The following PRKCA variants were observed in gnomAD, a reference collection of about 807,000 sequenced individuals.
PRKCA encodes the protein protein kinase C alpha type.
PRKCA carries 27 observed loss-of-function variants against 87.0 expected under a neutral mutation model. That is an observed-to-expected ratio of 0.31 (90% CI 0.23 to 0.43). PRKCA has a LOEUF of 0.43. Among genes scored for constraint, PRKCA ranks in the 20% least tolerant of loss-of-function variants. The pLI, the probability that PRKCA is intolerant of heterozygous loss-of-function variation, is 1.00. For synonymous variants in PRKCA, 329 were observed against 311.1 expected (o/e 1.06, Z -0.61); for missense variants, 518 against 852.3 (o/e 0.61, Z 4.88).
chr17:66,786,489 CT>C lies in PRKCA; in HGVS notation c.1606-376del, dbSNP rs1206775467. Among the ~76,000 whole-genome samples the C allele has an allele frequency of 3.3e-5, 5 of 152,346 alleles. No individual in the cohort carries two copies. In the South Asian group the frequency reaches 8.3e-4, roughly 25 times the overall value. On this transcript the variant is annotated intron_variant, in intron 14 of 16. Transcript: ENST00000413366. The stretch of plus-strand genomic sequence containing the variant: ...GGCATTTTCTACCGGCCACCCCCAC[CT>C]TCTGACCACAAAGCCATCTGTAACC...
rs777781754 is a variant in PRKCA, at chr17:66,688,419, G to A, written c.804G>A (p.Lys268=). 17 of 1,614,178 alleles carry A rather than the reference G, an allele frequency of 1.1e-5. No homozygotes were observed. The highest frequency in any genetic ancestry group is 5.0e-5 in the Admixed American group (3 of 60,024). The change falls in exon 7 of 17, where the codon AAG becomes AAA. Residue 268 remains lysine (K), a synonymous_variant. Coordinates refer to ENST00000413366, the MANE Select transcript of PRKCA (RefSeq NM_002737.3). ...CCTTTGGAGTTTCGGAGCTGATGAA[G>A]ATGCCGGCCAGTGGATGGTATGGAA... ...SLSFGVSELM[K]MPASGWYKLL...
intron 2 of PRKCA, among the ~76,000 whole-genome samples, chr17:66,424,798 G>A (rs1250264793): frequency 6.7e-6 from 1 of 150,242 alleles, no homozygotes; most frequent in Non-Finnish European, 1.5e-5. Context: ...CACCCAGGCT[G>A]GAATGCAGTG....
At chr17:66,642,976 G>T (rs533425238) in intron 4 of PRKCA, among the ~76,000 whole-genome samples, 1 of 152,210 alleles carries the variant, frequency 6.6e-6, no homozygotes, top group African/African-American at 2.4e-5. Context: ...GGAGGCGGCG[G>T]TTGCTGTGAG....
chr17:66,345,357 G>A lies in PRKCA; in HGVS notation c.205+39230G>A, dbSNP rs566206176. Among the ~76,000 whole-genome samples, 87 of 152,296 alleles carry A rather than the reference G, an allele frequency of 5.7e-4. No homozygotes were observed. In the Middle Eastern group the frequency reaches 0.01, roughly 18 times the overall value. On this transcript the variant is annotated intron_variant, in intron 2 of 16. Coordinates refer to ENST00000413366, the MANE Select transcript of PRKCA (RefSeq NM_002737.3). ...TGAAGCAATCATTTATGTTCAGCCT[G>A]TGTAACTAATGGACAATTATCTTTC...
chr17:66,320,580 C>T (rs1373376514), intron 2 of PRKCA, among the ~76,000 whole-genome samples: 1 of 152,038 alleles, frequency 6.6e-6, no homozygotes, highest in African/African-American at 2.4e-5. Flanking sequence ...ATAAAGAACT[C>T]GTATTAAAGA....
chr17:66,415,143 C>T (rs1912060792), intron 2 of PRKCA: 1 of 151,826 alleles, frequency 6.6e-6, no homozygotes. Flanking sequence ...AAAAGCACAG[C>T]TTGTCTATAT....
chr17:66,675,735 C>T (rs561053008), intron 5 of PRKCA, among the ~76,000 whole-genome samples: 4 of 152,312 alleles, frequency 2.6e-5, no homozygotes, highest in African/African-American at 9.6e-5. Context: ...GGGAGCTACA[C>T]TTCCCAACCC....
intron 2 of PRKCA, among the ~76,000 whole-genome samples, chr17:66,396,631 C>CTTTTTTTTTTTTTTTTTTTTTCTTTT (rs10626483): frequency 7.3e-6 from 1 of 137,248 alleles, no homozygotes. Context: ...CATTCTCTCT[C>CTTTTTTTTTTTTTTTTTTTTTCTTTT]TTTTTTTTTT....
chr17:66,407,302 C>T (rs1475505486), intron 2 of PRKCA, among the ~76,000 whole-genome samples: 2 of 151,882 alleles, frequency 1.3e-5, no homozygotes, highest in African/African-American at 4.8e-5. Flanking sequence ...GGTTTAGCAC[C>T]ATCACCTTGG....
chr17:66,570,949 T>A (rs1281355927), intron 3 of PRKCA, among the ~76,000 whole-genome samples: 1 of 152,168 alleles, frequency 6.6e-6, no homozygotes, highest in Non-Finnish European at 1.5e-5. Flanking sequence ...CATATGGAAA[T>A]CACATCCACC....
intron 3 of PRKCA, among the ~76,000 whole-genome samples, chr17:66,515,333 C>T (rs999936553): frequency 3.3e-5 from 5 of 151,224 alleles, no homozygotes; most frequent in East Asian, 1.9e-4. Flanking sequence ...TGAACTCTGT[C>T]GTAAAGTTGC....
Position 66,504,558 on chromosome 17 carries a change from C to T in PRKCA, c.288+8275C>T, listed in dbSNP as rs139976642. On this transcript the variant is annotated intron_variant, in intron 3 of 16. Coordinates refer to ENST00000413366, the MANE Select transcript of PRKCA (RefSeq NM_002737.3). ...AGTGAGCCAAGATTGCACCATTGCA[C>T]TCCAGCCTGGGCAACAAGAGTGAAA... 6.3e-3 allele frequency among the ~76,000 whole-genome samples: 958 copies of T among 151,478 alleles called. 14 individuals are homozygous for T. Among genetic ancestry groups the T allele is most frequent in the African/African-American group, 0.02 (834 of 41,240 alleles).
At chr17:66,720,153 C>T (rs1445115100) in intron 8 of PRKCA, among the ~76,000 whole-genome samples, 3 of 152,162 alleles carry the variant, frequency 2.0e-5, no homozygotes, top group Admixed American at 6.5e-5. Flanking sequence ...CCACAGAAAC[C>T]GGTGCAGGGA....
At chr17:66,383,656 C>T (rs919995196) in intron 2 of PRKCA, among the ~76,000 whole-genome samples, 1 of 152,114 alleles carries the variant, frequency 6.6e-6, no homozygotes, top group Admixed American at 6.6e-5. Context: ...TTTAAAAGAG[C>T]AAGATCCACT....
chr17:66,748,674 G>GCAGCAGGA (rs1974356459), intron 13 of PRKCA, among the ~76,000 whole-genome samples: 1 of 152,130 alleles, frequency 6.6e-6, no homozygotes, highest in African/African-American at 2.4e-5. Flanking sequence ...CATCAGCAGC[G>GCAGCAGGA]CAGCAGGAGG....
rs1232264593 is a variant in PRKCA, at chr17:66,346,158, A to G, written c.205+40031A>G. ...ACTCAAGCTGGAGTGCGCACGTGGCACTATCTCAGCTCACTGCAACTTCCA... is the reference window on the plus strand; with the variant it reads ...ACTCAAGCTGGAGTGCGCACGTGGCGCTATCTCAGCTCACTGCAACTTCCA... On this transcript the variant is annotated intron_variant, in intron 2 of 16. Coordinates refer to ENST00000413366, the MANE Select transcript of PRKCA (RefSeq NM_002737.3). 4.0e-5 allele frequency among the ~76,000 whole-genome samples: 6 copies of G among 148,440 alleles called. No homozygotes were observed. The East Asian group carries it at 1.2e-3, about 29-fold the overall frequency.
intron 3 of PRKCA, among the ~76,000 whole-genome samples, chr17:66,515,021 C>T (rs1023106504): frequency 4.6e-5 from 7 of 151,946 alleles, no homozygotes; most frequent in African/African-American, 7.2e-5. Flanking sequence ...TTTGGGAGGC[C>T]GAGGCGAGTG....
chr17:66,781,887 A>ATATATATATATATAGTGTGT (rs767300220), intron 14 of PRKCA, among the ~76,000 whole-genome samples: 4 of 125,548 alleles, frequency 3.2e-5, no homozygotes, highest in African/African-American at 1.3e-4. Context: ...ATATATATAT[A>ATATATATATATATAGTGTGT]GTGTGTGTGT....
At chr17:66,521,813 C>T (rs992808700) in intron 3 of PRKCA, among the ~76,000 whole-genome samples, 2 of 152,116 alleles carry the variant, frequency 1.3e-5, no homozygotes, top group African/African-American at 4.8e-5. Context: ...AGAGAAAATA[C>T]GGTCAAGAAT....
Sources: allele counts gnomAD v4.1 joint callset (sites outside exome capture counted in the v4.1 genomes callset), GRCh38; gene constraint gnomAD v4.1.1; transcripts MANE v1.5; gene names NCBI Gene and HGNC (gene_info 2026-07-23, HGNC 2026-07-21).